Variants in FCHSD2 observed in about 807,000 individuals in gnomAD.
FCHSD2 encodes F-BAR and double SH3 domains protein 2.
In FCHSD2, 38 loss-of-function variants were observed where a neutral mutation model predicts 108.1. That is an observed-to-expected ratio of 0.35 (90% CI 0.27 to 0.46). FCHSD2 has a LOEUF of 0.46. Among genes scored for constraint, FCHSD2 ranks in the 20% least tolerant of loss-of-function variants. The pLI is 1.00. For synonymous variants in FCHSD2, 279 were observed against 314.7 expected, an observed-to-expected ratio of 0.89 and a Z score of 1.20; for missense variants, 751 against 897.8, an observed-to-expected ratio of 0.84 and a Z score of 2.09.
chr11:73,074,375 G>C (rs374427786), intron 3 of FCHSD2, among the ~76,000 whole-genome samples: 8 of 152,264 alleles, frequency 5.3e-5, no homozygotes, highest in African/African-American at 1.9e-4. Context: ...AAGCATATGT[G>C]CAAGCATAAA....
At chr11:72,991,060 AC>A (rs1431678307) in intron 5 of FCHSD2, among the ~76,000 whole-genome samples, 1 of 152,204 alleles carries the variant, frequency 6.6e-6, no homozygotes, top group Non-Finnish European at 1.5e-5. Context: ...AATACAAACT[AC>A]CATCAGAGAA....
intron 3 of FCHSD2, among the ~76,000 whole-genome samples, chr11:73,020,206 C>G (rs1858069104): frequency 6.6e-6 from 1 of 152,160 alleles, no homozygotes; most frequent in African/African-American, 2.4e-5. Context: ...ATTGCTTTAA[C>G]AAGTGAAGAA....
intron 4 of FCHSD2, 59 bp downstream of exon 4, chr11:73,015,750 G>A: frequency 9.7e-7 from 1 of 1,029,656 alleles, no homozygotes; most frequent in Non-Finnish European, 1.5e-6. Flanking sequence ...TTATCTATAT[G>A]TAACATAGCT....
intron 8 of FCHSD2, among the ~76,000 whole-genome samples, chr11:72,955,913 G>A (rs758180331): frequency 3.3e-5 from 5 of 152,092 alleles, no homozygotes; most frequent in African/African-American, 9.7e-5. Flanking sequence ...TGCCCACTAC[G>A]GACTCAAAGT....
In FCHSD2 at chr11:73,106,361, G is replaced by A. The variant is rs183056692; in HGVS notation, c.120-22621C>T. Among the ~76,000 whole-genome samples, 15 of 147,018 alleles carry A rather than the reference G, an allele frequency of 1.0e-4. 2 individuals are homozygous for A. The highest frequency in any genetic ancestry group is 3.8e-4 in the African/African-American group (15 of 39,542). ...GTCAAGGCTGCAGTGAGCTGTGATG[G>A]CACCACTACACTCCACCCTGGGTGA... is the stretch of plus-strand genomic sequence containing the variant. On this transcript the variant is annotated intron_variant, in intron 2 of 19. Transcript: ENST00000409418.
At chr11:72,886,559 C>T (rs1055234740) in intron 12 of FCHSD2, among the ~76,000 whole-genome samples, 4 of 152,130 alleles carry the variant, frequency 2.6e-5, no homozygotes, top group Non-Finnish European at 5.9e-5. Context: ...CTAACAAGAA[C>T]CTAATCTTTT....
intron 3 of FCHSD2, among the ~76,000 whole-genome samples, chr11:73,082,438 A>G (rs919569347): frequency 2.0e-5 from 3 of 151,818 alleles, no homozygotes; most frequent in Admixed American, 2.0e-4. Context: ...CACAATAAGC[A>G]CTCAACAACT....
At chr11:73,104,775 C>T (rs1860302826) in intron 2 of FCHSD2, among the ~76,000 whole-genome samples, 1 of 152,056 alleles carries the variant, frequency 6.6e-6, no homozygotes, top group African/African-American at 2.4e-5. Flanking sequence ...CACCACCAGG[C>T]CAGGCTGGTC....
At chr11:73,018,481 G>A (rs1382773491) in intron 3 of FCHSD2, among the ~76,000 whole-genome samples, 1 of 146,654 alleles carries the variant, frequency 6.8e-6, no homozygotes, top group Non-Finnish European at 1.5e-5. Flanking sequence ...ATATTTGTCT[G>A]TTTACTCTAT....
intron 2 of FCHSD2, among the ~76,000 whole-genome samples, chr11:73,089,493 G>C (rs1054942948): frequency 6.6e-6 from 1 of 152,172 alleles, no homozygotes; most frequent in African/African-American, 2.4e-5. Context: ...AATGTTCACA[G>C]CAGCATTATT....
At chr11:73,017,298 G>A (rs1857995272) in intron 3 of FCHSD2, among the ~76,000 whole-genome samples, 1 of 152,078 alleles carries the variant, frequency 6.6e-6, no homozygotes, top group South Asian at 2.1e-4. Context: ...CTTTTGGATA[G>A]GAATATATGT....
At chr11:73,035,150 T>TTATTTTTATGTATG (rs1858457019) in intron 3 of FCHSD2, among the ~76,000 whole-genome samples, 2 of 143,828 alleles carry the variant, frequency 1.4e-5, no homozygotes, top group African/African-American at 5.2e-5. Context: ...GTTTTTATTT[T>TTATTTTTATGTATG]TATGTATGTA....
At chr11:72,902,799 G>T (rs1855553716) in intron 9 of FCHSD2, among the ~76,000 whole-genome samples, 161 bp from the exon 10 acceptor site, 2 of 152,122 alleles carry the variant, frequency 1.3e-5, no homozygotes, top group South Asian at 4.1e-4. Context: ...TTTCATTTTA[G>T]ACAATGGTTA....
At chr11:73,012,241 A>T (rs1325746215) in intron 4 of FCHSD2, among the ~76,000 whole-genome samples, 1 of 152,140 alleles carries the variant, frequency 6.6e-6, no homozygotes, top group African/African-American at 2.4e-5. Flanking sequence ...TCTAAAATAG[A>T]CTCCTTAAGT....
intron 8 of FCHSD2, among the ~76,000 whole-genome samples, chr11:72,968,518 G>A (rs1048694371): frequency 1.3e-5 from 2 of 152,164 alleles, no homozygotes; most frequent in Admixed American, 6.5e-5. Context: ...GAATAACTGT[G>A]GCACATGTAT....
intron 2 of FCHSD2, among the ~76,000 whole-genome samples, chr11:73,106,284 A>G (rs537683980): frequency 1.8e-4 from 28 of 151,930 alleles, no homozygotes; most frequent in African/African-American, 6.5e-4. Flanking sequence ...ACATAAACCT[A>G]TATCCCCAGC....
At position 73,001,002 on chromosome 11, in the gene FCHSD2, C is replaced by G; in HGVS notation, c.375G>C (p.Gln125His). The G allele has an allele frequency of 6.2e-7, 1 of 1,607,188 alleles. No homozygotes were observed. The highest frequency in any genetic ancestry group is 1.1e-5 in the South Asian group (1 of 89,724). Residue 125 changes from glutamine (Q) to histidine (H), a missense_variant, in exon 5 of 20, where the codon CAG (glutamine) becomes CAC (histidine). Transcript: ENST00000409418. The part of the protein sequence containing the change: ...PARTVRSLKE[Q>H]QLKRCVDQLT... ...ATAAAAACAATACCCTTTTTAGTTGCTGTTCTTTTAAGCTTCTCACTGTCC... is the reference window on the plus strand; with the variant it reads ...ATAAAAACAATACCCTTTTTAGTTGGTGTTCTTTTAAGCTTCTCACTGTCC...
intron 3 of FCHSD2, among the ~76,000 whole-genome samples, chr11:73,046,104 C>T (rs1858759363): frequency 6.6e-6 from 1 of 151,660 alleles, no homozygotes; most frequent in Admixed American, 6.6e-5. Flanking sequence ...GATACTGTGG[C>T]CTCAGCCTCT....
At chr11:72,919,652 A>C (rs906130191) in intron 9 of FCHSD2, among the ~76,000 whole-genome samples, 2 of 152,170 alleles carry the variant, frequency 1.3e-5, no homozygotes, top group Admixed American at 1.3e-4. Flanking sequence ...GCTATCTGTT[A>C]CGACTATAAT....
Sources: gnomAD v4.1 joint callset for allele counts (sites outside exome capture counted in the v4.1 genomes callset) on GRCh38, gnomAD v4.1.1 for gene constraint, MANE v1.5 for transcripts, NCBI Gene and HGNC (gene_info 2026-07-23, HGNC 2026-07-21) for gene names.